Variants in DCTN1 observed in about 807,000 individuals in gnomAD.
The protein encoded by DCTN1 is 150 kDa dynein-associated polypeptide.
A neutral mutation model predicts 161.2 loss-of-function variants in DCTN1; 61 were observed. The observed-to-expected ratio is 0.38, with a 90% confidence interval of 0.31 to 0.47. The LOEUF (loss-of-function observed/expected upper bound fraction) is 0.47, where lower values mean the gene tolerates loss of function less well. Ranked by LOEUF, DCTN1 falls within the 20% of genes least tolerant of loss-of-function variation. The pLI is 0.99. For missense variants in DCTN1, 1,404 were observed against 1,623.7 expected, an observed-to-expected ratio of 0.86 and a Z score of 2.33; for synonymous variants, 653 against 632.4, an observed-to-expected ratio of 1.03 and a Z score of -0.49.
rs759299933 is a variant in DCTN1 at position 74,362,184 on chromosome 2, C to T, written c.3610-43G>A. On this transcript the variant is annotated intron_variant, in intron 30 of 31. Coordinates refer to ENST00000628224, the MANE Select transcript of DCTN1 (RefSeq NM_004082.5). ...AAGACAAGGGTTCATTTATGGGACC[C>T]CCACAGGCTAGCACAAGACCACGTG... The T allele has an allele frequency of 1.1e-5, 18 of 1,584,968 alleles. 1 individual carries two copies. The South Asian group carries it at 1.9e-4, about 17-fold the overall frequency.
chr2:74,366,414 G>C (rs2104414536), intron 22 of DCTN1, 39 bp from the exon 23 acceptor site: 3 of 1,614,150 alleles, frequency 1.9e-6, no homozygotes, highest in East Asian at 2.2e-5. Context: ...CCCCACACTG[G>C]TCACTAACTC....
rs748570159 is a variant in DCTN1, at chr2:74,363,457, C to T, written c.3212-30G>A. On this transcript the variant is annotated intron_variant, in intron 27 of 31. Coordinates refer to ENST00000628224, the MANE Select transcript of DCTN1 (RefSeq NM_004082.5). ...GGGGACCATAAAAAATCTCATCAGC[C>T]CCAAGTGGAAAGGGTTGAAAATTGG... 12 of 1,610,778 alleles carry T rather than the reference C, an allele frequency of 7.4e-6. No individual in the cohort carries two copies. The South Asian group carries it at 1.3e-4, about 18-fold the overall frequency.
chr2:74,369,625 C>T lies in DCTN1; in HGVS notation c.1393-134G>A, dbSNP rs996678610. ...AGGTCGAGATCGAGATCATGCTGGC[C>T]AACATGGTGAAACCCCATCTCTACT... On this transcript the variant is annotated intron_variant, in intron 13 of 31. Coordinates refer to ENST00000628224, the MANE Select transcript of DCTN1 (RefSeq NM_004082.5). The surrounding 1 kb of genome is among the most constrained non-coding windows in gnomAD (Gnocchi z 4.9). 34 of 948,584 alleles carry T rather than the reference C, an allele frequency of 3.6e-5. No homozygotes were observed. Among genetic ancestry groups the T allele is most frequent in the Non-Finnish European group, 5.4e-5 (32 of 590,266 alleles). The allele number at this position is 948,584 out of a possible 1,614,324, so 58.8% of individuals were successfully genotyped here. A position where few individuals can be genotyped will look rare whatever the true frequency, so the allele number is the denominator to read the frequency against.
Position 74,371,196 on chromosome 2 carries a change from C to T in DCTN1, c.646-20G>A, listed in dbSNP as rs779741611. On this transcript the variant is annotated intron_variant, in intron 8 of 31. Transcript: ENST00000628224. ...CTCCTCCTGCAAAGGAGAGGCCTCA[C>T]GGTCTGTGCACAGCCCACTCCTCCT... is the stretch of plus-strand genomic sequence containing the variant. The T allele has an allele frequency of 2.4e-5, 38 of 1,612,068 alleles. No individual in the cohort carries two copies. The highest frequency in any genetic ancestry group is 3.1e-5 in the Non-Finnish European group (37 of 1,180,042).
At chr2:74,368,304 G>T in intron 16 of DCTN1, 173 bp from the exon 17 acceptor site, 1 of 830,164 alleles carries the variant, frequency 1.2e-6, no homozygotes, top group Non-Finnish European at 1.9e-6. Context: ...GGGTAGTGAT[G>T]TGATTACTGG....
chr2:74,374,543 C>A, intron 5 of DCTN1: 1 of 1,387,786 alleles, frequency 7.2e-7, no homozygotes, highest in Non-Finnish European at 9.5e-7. Flanking sequence ...AGCTTCCCAG[C>A]CTGCAAACGG....
At chr2:74,390,155 A>G (rs1029548362) in intron 1 of DCTN1, among the ~76,000 whole-genome samples, 6 of 152,228 alleles carry the variant, frequency 3.9e-5, no homozygotes, top group Non-Finnish European at 7.3e-5. Context: ...CACTCCACAG[A>G]GAACAAAGAC....
Position 74,362,091 on chromosome 2 carries a change from G to A in DCTN1, c.3660C>T (p.Pro1220=). The A allele has an allele frequency of 6.2e-7, 1 of 1,613,880 alleles. No individual in the cohort carries two copies. Among genetic ancestry groups the A allele is most frequent in the East Asian group, 2.2e-5 (1 of 44,848 alleles). Residue 1220 remains proline, a synonymous_variant, in exon 31 of 32, where the codon CCC becomes CCT. Transcript: ENST00000628224. ...TVSQRPGATV[P]TDFATFPSSA... ...ATGAAGGGAAGGTGGCAAAGTCAGT[G>A]GGTACTGTGGCTCCAGGGCGCTGAG...
chr2:74,391,156 T>C (rs539777988), intron 1 of DCTN1: 31 of 153,574 alleles, frequency 2.0e-4, no homozygotes, highest in African/African-American at 7.2e-4. Context: ...CTCTACCTCC[T>C]AGCTCTTCGC....
chr2:74,362,974 G>A lies in DCTN1; in HGVS notation c.3529+20C>T, dbSNP rs890924549. ...TGGAGGGGGCAGTTTTATTCATCTTGGGGGTTGGCAGGTACATACCAGGGC... is the reference window on the plus strand; with the variant it reads ...TGGAGGGGGCAGTTTTATTCATCTTAGGGGTTGGCAGGTACATACCAGGGC... On this transcript the variant is annotated intron_variant, in intron 29 of 31. Transcript: ENST00000628224. The A allele has an allele frequency of 1.2e-6, 2 of 1,608,846 alleles. No individual in the cohort carries two copies. The highest frequency in any genetic ancestry group is 1.7e-6 in the Non-Finnish European group (2 of 1,177,434).
intron 1 of DCTN1, chr2:74,385,503 A>C (rs1675687102): frequency 6.6e-6 from 1 of 152,316 alleles, no homozygotes; most frequent in Non-Finnish European, 1.5e-5. Context: ...ACCATTTCAC[A>C]ACTTCAGCAA....
chr2:74,380,335 T>A (rs1016041946), upstream of DCTN1: 35 of 548,208 alleles, frequency 6.4e-5, 2 homozygotes, highest in South Asian at 6.2e-4. Flanking sequence ...TCTAGACTTG[T>A]CAGGAACCGT....
At chr2:74,391,619 G>A in intron 1 of DCTN1, 1 of 359,458 alleles carries the variant, frequency 2.8e-6, no homozygotes, top group Admixed American at 3.8e-5. Flanking sequence ...AGCTGAGGTG[G>A]GTCAGACCGG....
At chr2:74,383,113 A>G (rs1480592765), upstream of DCTN1, among the ~76,000 whole-genome samples, 2 of 151,938 alleles carry the variant, frequency 1.3e-5, no homozygotes, top group Non-Finnish European at 2.9e-5. Flanking sequence ...TAAAATAAAA[A>G]TAAAAAATAT....
At chr2:74,377,165 G>A (rs1346250450) in intron 4 of DCTN1, among the ~76,000 whole-genome samples, 1 of 152,180 alleles carries the variant, frequency 6.6e-6, no homozygotes, top group Non-Finnish European at 1.5e-5. Flanking sequence ...TACACTACTA[G>A]GGCCAGACCT....
Position 74,369,416 on chromosome 2 carries a change from C to T in DCTN1, c.1468G>A (p.Asp490Asn), listed in dbSNP as rs2103646967. The change falls in exon 14 of 32, where the codon GAC becomes AAC. Residue 490 changes from aspartate (D) to asparagine (N), a missense_variant. Physicochemically the swap from Asp to Asn is conservative, Grantham distance 23. This residue lies in a region of DCTN1 where 278 missense variants were observed against 363.8 expected (regional missense o/e 0.76). Transcript: ENST00000628224. This position sits in a 1 kb window ranked among gnomAD's most constrained non-coding sequence, Gnocchi z 4.9. ...TCACGAACCCGCGCGCCTGCCATGTCCAGCTGCTCCCGCAGCTCCAGTTCT... is the reference window on the plus strand; with the variant it reads ...TCACGAACCCGCGCGCCTGCCATGTTCAGCTGCTCCCGCAGCTCCAGTTCT... Reference protein sequence around the residue: ...ETELELREQLDMAGARVREAQ... With the variant: ...ETELELREQLNMAGARVREAQ... The T allele has an allele frequency of 6.2e-7, 1 of 1,614,212 alleles. No individual in the cohort carries two copies.
intron 6 of DCTN1, 183 bp downstream of exon 6, chr2:74,374,140 A>G: frequency 1.5e-6 from 1 of 681,480 alleles, no homozygotes; most frequent in Admixed American, 2.1e-5. Context: ...CAAGGCAGTA[A>G]GCAAATGCCC....
At chr2:74,364,401 G>A in intron 26 of DCTN1, 1 of 159,218 alleles carries the variant, frequency 6.3e-6, no homozygotes, top group East Asian at 1.9e-4. Flanking sequence ...CCTGTCTTCT[G>A]GAGGTGAGAA....
intron 31 of DCTN1, 58 bp downstream of exon 31, chr2:74,361,993 AG>A (rs948554173): frequency 4.5e-6 from 7 of 1,554,544 alleles, no homozygotes; most frequent in Non-Finnish European, 6.2e-6. Flanking sequence ...TCTGGAGGAG[AG>A]GGGGGCCCGC....
Sources: allele counts gnomAD v4.1 joint callset (sites outside exome capture counted in the v4.1 genomes callset), GRCh38; gene constraint gnomAD v4.1.1; regional missense constraint gnomAD v4.1.1; non-coding constraint Gnocchi (gnomAD v3.1); transcripts MANE v1.5; gene names NCBI Gene and HGNC (gene_info 2026-07-23, HGNC 2026-07-21).